The following CARF variants were observed in gnomAD, a reference collection of about 807,000 sequenced individuals.
CARF encodes the protein calcium responsive transcription factor, also known as calcium-responsive transcription factor.
In CARF, 57 loss-of-function variants were observed where a neutral mutation model predicts 82.0. That is an observed-to-expected ratio of 0.70 (90% confidence interval 0.56 to 0.87). CARF has a LOEUF of 0.87. Among genes scored for constraint, CARF ranks in the 40% least tolerant of loss-of-function variants. The pLI, the probability that CARF is intolerant of heterozygous loss-of-function variation, is 0.00. For synonymous variants in CARF, 268 were observed against 290.1 expected (o/e 0.92, Z 0.77); for missense variants, 771 against 855.8 (o/e 0.90, Z 1.24).
At chr2:202,919,479 A>G (rs17406900) in intron 2 of CARF, among the ~76,000 whole-genome samples, 64,535 of 151,906 alleles carry the variant, frequency 0.42, 15,469 homozygotes, top group Middle Eastern at 0.69. Context: ...TTCTTCCTAA[A>G]CTCCACTTCT....
At chr2:202,945,620 C>T (rs987388603) in intron 5 of CARF, among the ~76,000 whole-genome samples, 12 of 152,084 alleles carry the variant, frequency 7.9e-5, no homozygotes, top group Non-Finnish European at 1.0e-4. Context: ...GCTCCATCTG[C>T]GTTCCCACAA....
rs370744345 is a variant in CARF, at chr2:202,974,919, A to G, written c.1494+423A>G. ...ATCTCAAAAAATATATATATATAGC[A>G]TCTTTTTCTTAAAATGTAAATACTC... On this transcript the variant is annotated intron_variant, in intron 13 of 16. Transcript: ENST00000438828. Among the ~76,000 whole-genome samples the G allele has an allele frequency of 4.7e-4, 71 of 151,938 alleles. 1 individual carries two copies. In the East Asian group the frequency reaches 5.2e-3, roughly 11 times the overall value.
In CARF at chr2:202,924,306, A is replaced by G. The variant is rs1691396764; in HGVS notation, c.-153A>G. On this transcript the variant is annotated 5_prime_UTR_variant, in exon 3 of 17. It adds an upstream start codon to the 5' untranslated region. Transcript: ENST00000438828. The stretch of plus-strand genomic sequence containing the variant: ...GTACTGTTTGTTTCAGGTTTAATAT[A>G]TCTTTGCCAAGTCCAAGGGTACAAA... 6.6e-6 allele frequency: 1 copy of G among 152,204 alleles called. No individual in the cohort carries two copies. Among genetic ancestry groups the G allele is most frequent in the South Asian group, 2.1e-4 (1 of 4,830 alleles). 9.4% of individuals were successfully genotyped at this position (152,204 alleles called of 1,614,324 possible).
intron 8 of CARF, among the ~76,000 whole-genome samples, chr2:202,956,253 G>GTATT (rs1188408754): frequency 5.3e-5 from 8 of 151,680 alleles, no homozygotes; most frequent in East Asian, 1.9e-4. Flanking sequence ...ATGTATTTAT[G>GTATT]TATTTATTTA....
At chr2:202,947,117 C>G (rs1175210827) in intron 5 of CARF, among the ~76,000 whole-genome samples, 2 of 152,122 alleles carry the variant, frequency 1.3e-5, no homozygotes, top group Non-Finnish European at 2.9e-5. Context: ...CCAGCAATCT[C>G]ATTACTTTGT....
At chr2:202,942,019 A>G (rs1448116724) in intron 4 of CARF, 39 bp downstream of exon 4, 4 of 1,480,428 alleles carry the variant, frequency 2.7e-6, no homozygotes, top group Non-Finnish European at 3.8e-6. Flanking sequence ...ATCCTAGGGT[A>G]AAACAGCATG....
At chr2:202,941,492 A>G (rs931978356) in intron 3 of CARF, among the ~76,000 whole-genome samples, 2 of 152,192 alleles carry the variant, frequency 1.3e-5, no homozygotes, top group African/African-American at 2.4e-5. Context: ...AATAGGGCAT[A>G]CCCAACTCAT....
chr2:202,942,858 C>T lies in CARF; in HGVS notation c.197C>T (p.Pro66Leu), dbSNP rs765919935. Residue 66 changes from proline (P) to leucine (L), a missense_variant, in exon 5 of 17, where the codon CCC (proline) becomes CTC (leucine). Transcript: ENST00000438828. ...NSLISQNIPG[P>L]LTQTQTLSAE... is the part of the protein sequence containing the mutation. ...CTCATATCACAGAATATACCAGGGCCCCTGACTCAGACACAGACTCTTTCT... is the reference window on the plus strand; with the variant it reads ...CTCATATCACAGAATATACCAGGGCTCCTGACTCAGACACAGACTCTTTCT... 1.9e-6 allele frequency: 3 copies of T among 1,613,982 alleles called. No homozygotes were observed. The highest frequency in any genetic ancestry group is 2.2e-5 in the East Asian group (1 of 44,870).
In CARF at chr2:202,946,941, G is replaced by A. The variant is rs547799566; in HGVS notation, c.306+3974G>A. Among the ~76,000 whole-genome samples, 17 of 152,244 alleles carry A rather than the reference G, an allele frequency of 1.1e-4. No individual in the cohort carries two copies. The East Asian group carries it at 1.9e-3, about 17-fold the overall frequency. ...CCACGATGAGATATCATCACACGCC[G>A]GTTAGAATGGCGATTATTAAGAAGT... is the stretch of plus-strand genomic sequence containing the variant. On this transcript the variant is annotated intron_variant, in intron 5 of 16. Coordinates refer to ENST00000438828, the MANE Select transcript of CARF (RefSeq NM_024744.17).
At chr2:202,947,557 A>C (rs1019215842) in intron 5 of CARF, among the ~76,000 whole-genome samples, 15 of 152,154 alleles carry the variant, frequency 9.9e-5, no homozygotes, top group Non-Finnish European at 2.2e-4. Flanking sequence ...TGATGAGTTG[A>C]TAGGTGCAGC....
rs191216500 is a variant in CARF, at chr2:202,917,994, G to A, written c.-212G>A. The A allele has an allele frequency of 1.7e-4, 75 of 450,712 alleles. 1 individual carries two copies. Among genetic ancestry groups the A allele is most frequent in the African/African-American group, 1.3e-3 (66 of 49,938 alleles). 27.9% of individuals were successfully genotyped at this position (450,712 alleles called of 1,614,324 possible). On this transcript the variant is annotated 5_prime_UTR_variant, in exon 2 of 17. Transcript: ENST00000438828. ...TGGACAAGAAAGGACATTTCTGGGG[G>A]TAGTAGAATGCTTGAGGCCTGGAAT...
At chr2:202,947,347 A>G (rs1164601404) in intron 5 of CARF, among the ~76,000 whole-genome samples, 1 of 152,164 alleles carries the variant, frequency 6.6e-6, no homozygotes, top group Non-Finnish European at 1.5e-5. Context: ...GAAGCTGGAA[A>G]CCATCATCCT....
At chr2:202,927,152 T>C (rs1329742401) in intron 3 of CARF, among the ~76,000 whole-genome samples, 1 of 152,176 alleles carries the variant, frequency 6.6e-6, no homozygotes, top group Non-Finnish European at 1.5e-5. Context: ...TCTGGAGGCC[T>C]GTCCTTCCCT....
In CARF at chr2:202,980,225, T is replaced by A. The variant is rs532939888; in HGVS notation, c.1559-1330T>A. Among the ~76,000 whole-genome samples the A allele has an allele frequency of 6.6e-5, 10 of 152,262 alleles. No homozygotes were observed. The East Asian group carries it at 1.9e-3, about 29-fold the overall frequency. ...CATCTGCTCTGGCCTCCTAAAGTGCTGAGATTACAAGCGTGAGCCACTTCG... is the reference window on the plus strand; with the variant it reads ...CATCTGCTCTGGCCTCCTAAAGTGCAGAGATTACAAGCGTGAGCCACTTCG... On this transcript the variant is annotated intron_variant, in intron 14 of 16. Transcript: ENST00000438828.
In CARF at chr2:202,981,649, C is replaced by G; in HGVS notation, c.1653C>G (p.Leu551=). The change falls in exon 15 of 17, where the codon CTC becomes CTG. Residue 551 remains leucine (L), a synonymous_variant. Transcript: ENST00000438828. ...SPEPTHLLSS[L]SSFQPKIFTQ... ...AGCCAACCCACTTGCTCTCCTCACT[C>G]TCCTCATTTCAGCCCAAAATATTTA... 1 of 1,612,064 alleles carries G rather than the reference C, an allele frequency of 6.2e-7. No individual in the cohort carries two copies. Among genetic ancestry groups the G allele is most frequent in the Non-Finnish European group, 8.5e-7 (1 of 1,178,814 alleles).
chr2:202,936,043 C>T (rs1189990322), intron 3 of CARF, among the ~76,000 whole-genome samples: 2 of 151,910 alleles, frequency 1.3e-5, no homozygotes, highest in Non-Finnish European at 2.9e-5. Context: ...AACTCCCATG[C>T]TGGTCTCAAA....
At position 202,942,934 on chromosome 2, in the gene CARF, A is replaced by G. The variant is rs2058302479; in HGVS notation, c.273A>G (p.Glu91=). 1 of 1,614,188 alleles carries G rather than the reference A, an allele frequency of 6.2e-7. No individual in the cohort carries two copies. Among genetic ancestry groups the G allele is most frequent in the Admixed American group, 1.7e-5 (1 of 60,022 alleles). The part of the protein sequence containing the change: ...VDQNGQAIQY[E]LQSLGESNAQ... The stretch of plus-strand genomic sequence containing the variant: ...AAAATGGGCAGGCTATTCAATATGA[A>G]CTTCAGTCATTGGGGGAATCCAATG... The change falls in exon 5 of 17, where the codon GAA becomes GAG. Residue 91 remains glutamate, a synonymous_variant. Transcript: ENST00000438828.
intron 16 of CARF, among the ~76,000 whole-genome samples, chr2:202,983,161 C>T (rs537033183): frequency 6.6e-6 from 1 of 152,254 alleles, no homozygotes; most frequent in East Asian, 1.9e-4. Flanking sequence ...CAGTGAGCCA[C>T]TGCACCTGGC....
chr2:202,957,899 T>A (rs1444744738), intron 8 of CARF, among the ~76,000 whole-genome samples: 1 of 151,696 alleles, frequency 6.6e-6, no homozygotes, highest in East Asian at 1.9e-4. Context: ...TGAGCCAACA[T>A]CACGCCACTG....
Sources: gnomAD v4.1 joint callset for allele counts (sites outside exome capture counted in the v4.1 genomes callset) on GRCh38, gnomAD v4.1.1 for gene constraint, MANE v1.5 for transcripts, NCBI Gene and HGNC (gene_info 2026-07-23, HGNC 2026-07-21) for gene names.